DENND1A: variants seen among roughly 807,000 people sequenced by gnomAD.
DENND1A encodes DENN domain containing 1A.
In DENND1A, 51 loss-of-function variants were observed where a neutral mutation model predicts 113.7. The observed-to-expected ratio is 0.45, with a 90% CI of 0.36 to 0.57. DENND1A has a LOEUF of 0.57. Ranked by LOEUF, DENND1A falls within the 20% of genes least tolerant of loss-of-function variation. The pLI is 0.00. For missense variants in DENND1A, 1,258 were observed against 1,395.9 expected (o/e 0.90, Z 1.57); for synonymous variants, 565 against 570.8 (o/e 0.99, Z 0.14).
At chr9:123,893,319 A>G (rs777319766) in intron 1 of DENND1A, among the ~76,000 whole-genome samples, 3 of 152,262 alleles carry the variant, frequency 2.0e-5, no homozygotes, top group Non-Finnish European at 4.4e-5. Flanking sequence ...ACAGCTCAGC[A>G]TGCCACTGCA....
chr9:123,706,456 G>T (rs75032775), intron 5 of DENND1A, among the ~76,000 whole-genome samples: 27,883 of 151,420 alleles, frequency 0.18, 2,752 homozygotes, highest in African/African-American at 0.27. Flanking sequence ...GGATGGCTTG[G>T]ATATAGAGTA....
intron 8 of DENND1A, among the ~76,000 whole-genome samples, chr9:123,657,088 C>G (rs2062989215): frequency 6.6e-6 from 1 of 152,340 alleles, no homozygotes; most frequent in African/African-American, 2.4e-5. Context: ...GGTCTCTGGA[C>G]AGAGCAGCCT....
intron 13 of DENND1A, among the ~76,000 whole-genome samples, chr9:123,531,568 C>T (rs1589010223): frequency 8.1e-6 from 1 of 123,518 alleles, no homozygotes; most frequent in Non-Finnish European, 1.8e-5. Context: ...CACACACACA[C>T]ACACACACAC....
At chr9:123,421,845 C>T (rs757613742) in intron 19 of DENND1A, among the ~76,000 whole-genome samples, 50 of 152,218 alleles carry the variant, frequency 3.3e-4, no homozygotes, top group Non-Finnish European at 5.6e-4. Context: ...GAGTTGCTCA[C>T]ATCCCTGTCC....
At chr9:123,726,103 C>T (rs2067688824) in intron 5 of DENND1A, among the ~76,000 whole-genome samples, 1 of 152,156 alleles carries the variant, frequency 6.6e-6, no homozygotes, top group African/African-American at 2.4e-5. Context: ...TTAATGGGAC[C>T]TGACTCACAG....
At chr9:123,749,924 T>TA (rs1176114702) in intron 5 of DENND1A, among the ~76,000 whole-genome samples, 2 of 152,136 alleles carry the variant, frequency 1.3e-5, no homozygotes, top group African/African-American at 2.4e-5. Flanking sequence ...GTCTCAAAAA[T>TA]AAAAAATCCC....
intron 12 of DENND1A, among the ~76,000 whole-genome samples, chr9:123,575,593 T>C (rs1344229065): frequency 6.6e-6 from 1 of 152,238 alleles, no homozygotes; most frequent in South Asian, 2.1e-4. Flanking sequence ...ATTGATCGTT[T>C]GGTTAAGGTA....
chr9:123,897,556 A>C (rs191016946), intron 1 of DENND1A, among the ~76,000 whole-genome samples: 2 of 152,332 alleles, frequency 1.3e-5, no homozygotes, highest in African/African-American at 2.4e-5. Context: ...ACAGCAGAGC[A>C]GGGTTAAATA....
intron 2 of DENND1A, among the ~76,000 whole-genome samples, chr9:123,861,771 G>A (rs2133295227): frequency 6.6e-6 from 1 of 152,254 alleles, no homozygotes; most frequent in African/African-American, 2.4e-5. Context: ...TCAACAAAGA[G>A]GGGTTTTCTT....
At chr9:123,862,255 CA>C (rs1845162250) in intron 2 of DENND1A, among the ~76,000 whole-genome samples, 1 of 152,056 alleles carries the variant, frequency 6.6e-6, no homozygotes, top group African/African-American at 2.4e-5. Context: ...AAACTTTTAG[CA>C]GGAACATTTT....
At chr9:123,619,980 A>G (rs1482552052) in intron 10 of DENND1A, among the ~76,000 whole-genome samples, 1 of 152,088 alleles carries the variant, frequency 6.6e-6, no homozygotes, top group Non-Finnish European at 1.5e-5. Context: ...TGGGAGGCCA[A>G]GGTGGGCGGA....
intron 5 of DENND1A, among the ~76,000 whole-genome samples, chr9:123,702,973 A>G (rs943005826): frequency 6.6e-6 from 1 of 152,224 alleles, no homozygotes; most frequent in African/African-American, 2.4e-5. Context: ...TATTTTAAAA[A>G]TAACTACAAT....
chr9:123,866,366 T>C (rs1485069296), intron 2 of DENND1A, among the ~76,000 whole-genome samples: 1 of 152,228 alleles, frequency 6.6e-6, no homozygotes, highest in African/African-American at 2.4e-5. Context: ...AAAAAATATA[T>C]AGGTTGAATT....
At chr9:123,877,549 C>T (rs1244550919) in intron 2 of DENND1A, among the ~76,000 whole-genome samples, 5 of 151,516 alleles carry the variant, frequency 3.3e-5, no homozygotes, top group Middle Eastern at 3.5e-3. Flanking sequence ...ACAGGCCGGG[C>T]ATGGTGGCTC....
Position 123,635,699 on chromosome 9 carries a change from T to C in DENND1A, c.619-5223A>G, listed in dbSNP as rs144856083. On this transcript the variant is annotated intron_variant, in intron 9 of 23. Transcript: ENST00000394215. ...GTTACATTTAACTAAGGTGTTGTAG[T>C]GTCTTTAACCCACAGGAAATTCTAG... 4.3e-3 allele frequency among the ~76,000 whole-genome samples: 659 copies of C among 152,372 alleles called. 7 individuals are homozygous for C. Among genetic ancestry groups the C allele is most frequent in the African/African-American group, 0.015 (615 of 41,588 alleles).
chr9:123,742,658 C>T (rs2069125411), intron 5 of DENND1A, among the ~76,000 whole-genome samples: 1 of 152,146 alleles, frequency 6.6e-6, no homozygotes, highest in East Asian at 1.9e-4. Context: ...GTGCAGACAG[C>T]TCCCCAGGGG....
intron 8 of DENND1A, chr9:123,652,356 A>T (rs557588327): frequency 2.3e-6 from 1 of 438,884 alleles, no homozygotes; most frequent in African/African-American, 2.0e-5. Context: ...TTGTGTGGTG[A>T]TTACAACATG....
chr9:123,403,825 G>A (rs1388182299), intron 20 of DENND1A, among the ~76,000 whole-genome samples: 1 of 152,188 alleles, frequency 6.6e-6, no homozygotes, highest in African/African-American at 2.4e-5. Context: ...CCGGAACAAA[G>A]AGGCCCTTAT....
intron 1 of DENND1A, among the ~76,000 whole-genome samples, chr9:123,880,493 T>C (rs1588062090): frequency 6.6e-6 from 1 of 152,250 alleles, no homozygotes; most frequent in East Asian, 1.9e-4. Context: ...TGTAACTTAA[T>C]TCTATTTTAA....
Sources: gnomAD v4.1 joint callset for allele counts (sites outside exome capture counted in the v4.1 genomes callset) on GRCh38, gnomAD v4.1.1 for gene constraint, MANE v1.5 for transcripts, NCBI Gene and HGNC (gene_info 2026-07-23, HGNC 2026-07-21) for gene names.